Variants in ACAD9 observed in about 807,000 individuals in gnomAD.
ACAD9 encodes complex I assembly factor ACAD9, mitochondrial.
A neutral mutation model predicts 70.2 loss-of-function variants in ACAD9; 53 were observed. The ratio of observed to expected loss-of-function variants is 0.75; its 90% CI spans 0.61 to 0.95. ACAD9 has a LOEUF of 0.95. ACAD9 is among the 40% of genes least tolerant of loss of function. The pLI is 0.00. For missense variants in ACAD9, 777 were observed against 802.8 expected (o/e 0.97, Z 0.39); for synonymous variants, 313 against 312.1 (o/e 1.00, Z -0.03).
intron 17 of ACAD9, among the ~76,000 whole-genome samples, chr3:128,912,161 C>T (rs1936397301): frequency 6.6e-6 from 1 of 152,170 alleles, no homozygotes; most frequent in African/African-American, 2.4e-5. Flanking sequence ...CCCAGACACC[C>T]CCCCAGTGCT....
At chr3:128,903,597 G>T (rs918612303) in intron 9 of ACAD9, among the ~76,000 whole-genome samples, 6 of 152,154 alleles carry the variant, frequency 3.9e-5, no homozygotes, top group African/African-American at 9.7e-5. Flanking sequence ...ACAGCCACAC[G>T]CCTGGAAGCC....
In ACAD9 at chr3:128,891,259, A is replaced by G. The variant is rs867490400; in HGVS notation, c.245-2296A>G. 3.9e-5 allele frequency among the ~76,000 whole-genome samples: 6 copies of G among 152,222 alleles called. No homozygotes were observed. In the South Asian group the frequency reaches 6.2e-4, roughly 16 times the overall value. On this transcript the variant is annotated intron_variant, in intron 2 of 17. Coordinates refer to ENST00000308982, the MANE Select transcript of ACAD9 (RefSeq NM_014049.5). The stretch of plus-strand genomic sequence containing the variant: ...TTTGCTACCATTGCTCTTCTGTGGG[A>G]AGGACTTCCTTTCACTTTTCATGAT...
chr3:128,890,241 C>T (rs1935379523), intron 2 of ACAD9, among the ~76,000 whole-genome samples: 1 of 152,064 alleles, frequency 6.6e-6, no homozygotes, highest in South Asian at 2.1e-4. Context: ...CGTGCCACCA[C>T]ATCTGGCTAA....
intron 1 of ACAD9, among the ~76,000 whole-genome samples, chr3:128,881,385 C>T (rs1303264116): frequency 6.6e-6 from 1 of 152,212 alleles, no homozygotes; most frequent in Admixed American, 6.5e-5. Context: ...TCCATGCAGT[C>T]GGATGAGAAG....
intron 9 of ACAD9, 119 bp from the exon 10 acceptor site, chr3:128,903,943 C>T: frequency 1.8e-6 from 2 of 1,087,050 alleles, no homozygotes; most frequent in Non-Finnish European, 1.4e-6. Flanking sequence ...TATTTGACCT[C>T]AGCAGACACG....
In ACAD9 at chr3:128,899,522, CGGTG is replaced by C. The variant is rs1349060447; in HGVS notation, c.808+62_808+65del. 950 of 1,145,068 alleles carry C rather than the reference CGGTG, an allele frequency of 8.3e-4. 8 individuals are homozygous for C. The East Asian group carries it at 0.015, about 18-fold the overall frequency. The allele number at this position is 1,145,068 out of a possible 1,614,324, so 70.9% of individuals were successfully genotyped here. ...GTGTAAGGGGGAGACTGGCCTTTGA[CGGTG>C]TGTGTGTGTGTGTGTGTGTGTGTGT... On this transcript the variant is annotated intron_variant, in intron 7 of 17. Coordinates refer to ENST00000308982, the MANE Select transcript of ACAD9 (RefSeq NM_014049.5).
At chr3:128,894,049 C>T (rs1318063403) in intron 3 of ACAD9, among the ~76,000 whole-genome samples, 3 of 152,134 alleles carry the variant, frequency 2.0e-5, no homozygotes. Flanking sequence ...CTCCCTTACG[C>T]TTTTTCTCGA....
At chr3:128,886,360 C>T (rs1415681853) in intron 2 of ACAD9, among the ~76,000 whole-genome samples, 1 of 151,864 alleles carries the variant, frequency 6.6e-6, no homozygotes, top group Non-Finnish European at 1.5e-5. Context: ...CTCAGCCTCC[C>T]CAAGTGCTGG....
At chr3:128,881,090 C>T (rs1443591005) in intron 1 of ACAD9, among the ~76,000 whole-genome samples, 2 of 152,136 alleles carry the variant, frequency 1.3e-5, no homozygotes, top group Non-Finnish European at 1.5e-5. Flanking sequence ...AGGCTGATAC[C>T]TTTATAGCAA....
chr3:128,895,033 C>A (rs1187699759), intron 3 of ACAD9, among the ~76,000 whole-genome samples: 1 of 151,876 alleles, frequency 6.6e-6, no homozygotes, highest in Non-Finnish European at 1.5e-5. Flanking sequence ...CACACCACCA[C>A]ACCTGGCTAA....
rs1330163471 is a variant in ACAD9, at chr3:128,908,209, T to C, written c.1303T>C (p.Tyr435His). ...FEGTNEILRM[Y>H]IALTGLQHAG... is the part of the protein sequence containing the mutation. ...GGGAACCAATGAGATTCTCCGGATG[T>C]ACATCGCCCTGACGGGTCTGCAGCA... The change falls in exon 13 of 18, where the codon TAC becomes CAC. Residue 435 changes from tyrosine to histidine, a missense_variant. Tyr to His is a moderately conservative substitution (Grantham distance 83, BLOSUM62 2). Coordinates refer to ENST00000308982, the MANE Select transcript of ACAD9 (RefSeq NM_014049.5). The C allele has an allele frequency of 1.1e-5, 17 of 1,614,066 alleles. No homozygotes were observed. The highest frequency in any genetic ancestry group is 2.7e-5 in the African/African-American group (2 of 74,934).
chr3:128,910,963 T>C, intron 17 of ACAD9, 150 bp downstream of exon 17: 1 of 950,374 alleles, frequency 1.1e-6, no homozygotes, highest in South Asian at 1.3e-5. Flanking sequence ...GGCCTGGGCT[T>C]AGCTGCAGCA....
chr3:128,879,930 C>T (rs767657432), intron 1 of ACAD9, 89 bp downstream of exon 1: 3 of 1,600,292 alleles, frequency 1.9e-6, no homozygotes, highest in East Asian at 2.3e-5. Context: ...GTGAGATTCC[C>T]CAAACCTGCC....
intron 2 of ACAD9, among the ~76,000 whole-genome samples, chr3:128,885,602 C>T (rs988092858): frequency 1.3e-5 from 2 of 152,150 alleles, no homozygotes; most frequent in African/African-American, 4.8e-5. Flanking sequence ...CTATATTGCC[C>T]AGGCTGGTCT....
chr3:128,892,128 G>A (rs546326334), intron 2 of ACAD9, among the ~76,000 whole-genome samples: 2 of 152,336 alleles, frequency 1.3e-5, no homozygotes, highest in Admixed American at 1.3e-4. Context: ...CCTGGGGATG[G>A]TGGACAGATG....
rs1936475560 is a variant in ACAD9 at position 128,912,673 on chromosome 3, CTCT to C, written c.*68_*70del. ...ATGGCCCGTTGCTGGATGACTGTTA[CTCT>C]TTTTTCAGAAGGTGTTGGGATTATC... On this transcript the variant is annotated 3_prime_UTR_variant, in exon 18 of 18. Transcript: ENST00000308982. The C allele has an allele frequency of 2.9e-6, 4 of 1,364,712 alleles. No individual in the cohort carries two copies. The highest frequency in any genetic ancestry group is 1.4e-5 in the African/African-American group (1 of 70,000). The allele number at this position is 1,364,712 out of a possible 1,614,324, so 84.5% of individuals were successfully genotyped here.
intron 17 of ACAD9, among the ~76,000 whole-genome samples, chr3:128,911,390 A>G (rs1235055097): frequency 6.6e-6 from 1 of 151,810 alleles, no homozygotes; most frequent in Non-Finnish European, 1.5e-5. Context: ...GCAAGTGCAG[A>G]GCCCTTTGCG....
chr3:128,904,480 G>C lies in ACAD9; in HGVS notation c.1124G>C (p.Cys375Ser), dbSNP rs1345981758. Reference protein sequence around the residue: ...GMLDQPGFPDCSIEAAMVKVF... With the variant: ...GMLDQPGFPDSSIEAAMVKVF... ...CTGGACCAACCTGGCTTTCCCGACT[G>C]CTCCATCGAGGCAGCCATGGTGAAG... The change falls in exon 11 of 18, where the codon TGC (cysteine) becomes TCC (serine). Residue 375 changes from cysteine to serine, a missense_variant. By Grantham distance (112) the Cys-to-Ser change is moderately radical. Coordinates refer to ENST00000308982, the MANE Select transcript of ACAD9 (RefSeq NM_014049.5). 1 of 1,614,154 alleles carries C rather than the reference G, an allele frequency of 6.2e-7. No homozygotes were observed. Among genetic ancestry groups the C allele is most frequent in the Non-Finnish European group, 8.5e-7 (1 of 1,180,038 alleles).
intron 4 of ACAD9, 145 bp from the exon 5 acceptor site, chr3:128,896,291 C>T: frequency 1.1e-6 from 1 of 890,110 alleles, no homozygotes; most frequent in South Asian, 1.4e-5. Context: ...GCTCCCTGGG[C>T]TCTGCCTGTG....
Sources: allele counts gnomAD v4.1 joint callset (sites outside exome capture counted in the v4.1 genomes callset), GRCh38; gene constraint gnomAD v4.1.1; transcripts MANE v1.5; gene names NCBI Gene and HGNC (gene_info 2026-07-23, HGNC 2026-07-21).